Variants in PPM1E observed in about 807,000 individuals in gnomAD.
PPM1E encodes protein phosphatase 1E.
PPM1E carries 20 observed loss-of-function variants against 65.9 expected under a neutral mutation model. The ratio of observed to expected loss-of-function variants is 0.30; its 90% CI spans 0.21 to 0.44. The LOEUF (loss-of-function observed/expected upper bound fraction) is 0.44, where lower values mean the gene tolerates loss of function less well. Among genes scored for constraint, PPM1E ranks in the 20% least tolerant of loss-of-function variants. The pLI, the probability that PPM1E is intolerant of heterozygous loss-of-function variation, is 1.00. For synonymous variants in PPM1E, 352 were observed against 374.9 expected (o/e 0.94, Z 0.70); for missense variants, 713 against 953.1 (o/e 0.75, Z 3.32).
At chr17:58,962,503 T>C (rs916473198) in intron 2 of PPM1E, among the ~76,000 whole-genome samples, 3 of 152,206 alleles carry the variant, frequency 2.0e-5, no homozygotes, top group Non-Finnish European at 4.4e-5. Context: ...AATCCTGTTA[T>C]GGCTATGTCA....
intron 1 of PPM1E, 38 bp downstream of exon 1, chr17:58,756,499 T>G (rs898949064): frequency 7.9e-7 from 1 of 1,263,518 alleles, no homozygotes; most frequent in Admixed American, 4.2e-5. Flanking sequence ...GGGCCCGCGG[T>G]CCCCACCGCG....
intron 1 of PPM1E, among the ~76,000 whole-genome samples, chr17:58,859,145 C>T (rs1318343267): frequency 6.6e-6 from 1 of 152,166 alleles, no homozygotes; most frequent in Non-Finnish European, 1.5e-5. Flanking sequence ...ATGTTTCATA[C>T]AGGGTCAGTA....
chr17:58,810,474 G>A lies in PPM1E; in HGVS notation c.464+54013G>A, dbSNP rs1033597936. Among the ~76,000 whole-genome samples the A allele has an allele frequency of 3.3e-5, 5 of 152,122 alleles. No individual in the cohort carries two copies. In the South Asian group the frequency reaches 6.2e-4, roughly 19 times the overall value. ...CCTGCCTCAGCCTCCCAAAGTGCTG[G>A]GATTACAGGCATGAGCCACTGCGCC... On this transcript the variant is annotated intron_variant, in intron 1 of 6. Coordinates refer to ENST00000308249, the MANE Select transcript of PPM1E (RefSeq NM_014906.5).
At chr17:58,946,827 T>C (rs2143618449) in intron 1 of PPM1E, among the ~76,000 whole-genome samples, 1 of 152,266 alleles carries the variant, frequency 6.6e-6, no homozygotes, top group Non-Finnish European at 1.5e-5. Context: ...AATTTTGATG[T>C]AGTCCAATTT....
In PPM1E at chr17:58,984,350, T is replaced by C. The variant is rs2031594702; in HGVS notation, c.*3319T>C. On this transcript the variant is annotated 3_prime_UTR_variant, in exon 7 of 7. Coordinates refer to ENST00000308249, the MANE Select transcript of PPM1E (RefSeq NM_014906.5). ...CCAGTGGGCAGATGAAAATGATGCATGGCCAAGTTCAGTGTTTACAGATAA... is the reference window on the plus strand; with the variant it reads ...CCAGTGGGCAGATGAAAATGATGCACGGCCAAGTTCAGTGTTTACAGATAA... The C allele has an allele frequency of 6.6e-6, 1 of 152,656 alleles. No individual in the cohort carries two copies. The highest frequency in any genetic ancestry group is 2.1e-4 in the South Asian group (1 of 4,832). The allele number at this position is 152,656 out of a possible 1,614,324, so 9.5% of individuals were successfully genotyped here. A position where few individuals can be genotyped will look rare whatever the true frequency, so the allele number is the denominator to read the frequency against.
intron 1 of PPM1E, among the ~76,000 whole-genome samples, chr17:58,898,234 A>G (rs1050802078): frequency 2.1e-4 from 32 of 151,762 alleles, no homozygotes; most frequent in African/African-American, 7.7e-4. Flanking sequence ...CCTGGGGGTG[A>G]CAGAGGGAGA....
At chr17:58,860,588 T>C (rs1461588487) in intron 1 of PPM1E, among the ~76,000 whole-genome samples, 2 of 152,162 alleles carry the variant, frequency 1.3e-5, no homozygotes, top group Non-Finnish European at 2.9e-5. Context: ...CCAATTCAAG[T>C]TGTCTCATTT....
At chr17:58,907,697 T>G (rs2051575455) in intron 1 of PPM1E, among the ~76,000 whole-genome samples, 1 of 152,228 alleles carries the variant, frequency 6.6e-6, no homozygotes, top group East Asian at 1.9e-4. Flanking sequence ...CTTAAAGGAT[T>G]ATCATATTTT....
At chr17:58,897,517 A>C (rs913066847) in intron 1 of PPM1E, among the ~76,000 whole-genome samples, 1 of 152,218 alleles carries the variant, frequency 6.6e-6, no homozygotes, top group Non-Finnish European at 1.5e-5. Context: ...TAATGTTTTC[A>C]TGTTTATTAA....
chr17:58,907,138 T>C (rs1037104010), intron 1 of PPM1E, among the ~76,000 whole-genome samples: 2 of 152,006 alleles, frequency 1.3e-5, no homozygotes, highest in Non-Finnish European at 2.9e-5. Flanking sequence ...CTCAGCTACT[T>C]GGGAGGCTGA....
In PPM1E at chr17:58,984,682, A is replaced by C. The variant is rs989512819; in HGVS notation, c.*3651A>C. The C allele has an allele frequency of 2.0e-5, 3 of 152,660 alleles. No individual in the cohort carries two copies. The highest frequency in any genetic ancestry group is 4.8e-5 in the African/African-American group (2 of 41,458). 9.5% of individuals were successfully genotyped at this position (152,660 alleles called of 1,614,324 possible). A position where few individuals can be genotyped will look rare whatever the true frequency, so the allele number is the denominator to read the frequency against. On this transcript the variant is annotated 3_prime_UTR_variant, in exon 7 of 7. Coordinates refer to ENST00000308249, the MANE Select transcript of PPM1E (RefSeq NM_014906.5). Reference sequence around the variant, plus strand: ...AGCTTAAATGTCTCTTGCAAAACAAAGTAAGATACCACCAGTATTACAACA... The same window carrying C: ...AGCTTAAATGTCTCTTGCAAAACAACGTAAGATACCACCAGTATTACAACA...
intron 1 of PPM1E, among the ~76,000 whole-genome samples, chr17:58,923,980 G>A (rs1250018751): frequency 9.8e-5 from 14 of 143,574 alleles, no homozygotes; most frequent in East Asian, 2.1e-4. Flanking sequence ...GTGCAGTGGC[G>A]TGATCTTGGC....
intron 1 of PPM1E, chr17:58,785,591 T>C (rs542631625): frequency 6.7e-6 from 1 of 149,974 alleles, no homozygotes; most frequent in East Asian, 2.0e-4. Context: ...ATTACAGGCA[T>C]GAGCCACCTT....
At chr17:58,946,677 A>G (rs2052156036) in intron 1 of PPM1E, among the ~76,000 whole-genome samples, 1 of 151,924 alleles carries the variant, frequency 6.6e-6, no homozygotes, top group African/African-American at 2.4e-5. Context: ...GCTGATCTCA[A>G]ACTCCTGGCC....
At position 58,982,314 on chromosome 17, in the gene PPM1E, T is replaced by C. The variant is rs1465107636; in HGVS notation, c.*1283T>C. ...AGTTAGTTAGAAGCATGTTGTCAAC[T>C]AAAGACAACAAACTATCAGATTCAT... On this transcript the variant is annotated 3_prime_UTR_variant, in exon 7 of 7. Transcript: ENST00000308249. 1 of 152,320 alleles carries C rather than the reference T, an allele frequency of 6.6e-6. No individual in the cohort carries two copies. Among genetic ancestry groups the C allele is most frequent in the Non-Finnish European group, 1.5e-5 (1 of 68,046 alleles). The allele number at this position is 152,320 out of a possible 1,614,324, so 9.4% of individuals were successfully genotyped here.
At chr17:58,859,820 A>G (rs2050919812) in intron 1 of PPM1E, among the ~76,000 whole-genome samples, 1 of 152,200 alleles carries the variant, frequency 6.6e-6, no homozygotes, top group South Asian at 2.1e-4. Flanking sequence ...TGCCTGGCCA[A>G]TTGTTCAGAG....
At chr17:58,935,040 C>T (rs879579429) in intron 1 of PPM1E, among the ~76,000 whole-genome samples, 19 of 152,022 alleles carry the variant, frequency 1.2e-4, no homozygotes, top group Middle Eastern at 3.4e-3. Context: ...ATCACAAGGT[C>T]AGGAGTTCAA....
At chr17:58,895,950 A>C (rs2051408645) in intron 1 of PPM1E, among the ~76,000 whole-genome samples, 1 of 51,212 alleles carries the variant, frequency 2.0e-5, no homozygotes, top group East Asian at 4.6e-4. Context: ...CTAAACATAC[A>C]AAAAAAAAAA....
chr17:58,843,052 C>T (rs547132492), intron 1 of PPM1E, among the ~76,000 whole-genome samples: 6 of 152,040 alleles, frequency 3.9e-5, no homozygotes, highest in South Asian at 4.2e-4. Flanking sequence ...TTTGGGATAC[C>T]GAGGCAGGCA....
Sources: allele counts gnomAD v4.1 joint callset (sites outside exome capture counted in the v4.1 genomes callset), GRCh38; gene constraint gnomAD v4.1.1; transcripts MANE v1.5; gene names NCBI Gene and HGNC (gene_info 2026-07-23, HGNC 2026-07-21).